UBXN10: variants seen among roughly 807,000 people sequenced by gnomAD.
The protein encoded by UBXN10 is UBX domain-containing protein 10.
UBXN10 carries 6 observed loss-of-function variants against 6.9 expected under a neutral mutation model. That is an observed-to-expected ratio of 0.87 (90% CI 0.48 to 1.72). UBXN10 has a LOEUF of 1.72. Among genes scored for constraint, UBXN10 ranks in the 40% most tolerant of loss-of-function variants. UBXN10 has a pLI of 0.01. For synonymous variants in UBXN10, 131 were observed against 135.2 expected (o/e 0.97, Z 0.21); for missense variants, 317 against 348.4 (o/e 0.91, Z 0.72).
Position 20,191,264 on chromosome 1 carries a change from T to A in UBXN10, c.703T>A (p.Ser235Thr), listed in dbSNP as rs759727651. The A allele has an allele frequency of 2.5e-6, 4 of 1,614,062 alleles. No homozygotes were observed. The highest frequency in any genetic ancestry group is 4.5e-5 in the East Asian group (2 of 44,870). Residue 235 changes from serine to threonine, a missense_variant, in exon 2 of 2, where the codon TCC becomes ACC. Ser to Thr is a moderately conservative substitution (Grantham distance 58). Transcript: ENST00000375099. This position sits in a 1 kb window ranked among gnomAD's most constrained non-coding sequence, Gnocchi z 4.5. ...TGTGGCCGAACAGAAAAACAAAACC[T>A]CCTACCGACACTGCAGCATTGAAAC... is the stretch of plus-strand genomic sequence containing the variant. ...VAVAEQKNKT[S>T]YRHCSIETME...
chr1:20,185,501 G>A (rs2018355670), upstream of UBXN10, among the ~76,000 whole-genome samples: 1 of 152,232 alleles, frequency 6.6e-6, no homozygotes, highest in Non-Finnish European at 1.5e-5. Flanking sequence ...GTGGCTGGAA[G>A]TGGAAGAGAT....
Position 20,191,816 on chromosome 1 carries a change from A to C in UBXN10, c.*412A>C, listed in dbSNP as rs569118745. On this transcript the variant is annotated 3_prime_UTR_variant, in exon 2 of 2. Coordinates refer to ENST00000375099, the MANE Select transcript of UBXN10 (RefSeq NM_152376.5). This position sits in a 1 kb window ranked among gnomAD's most constrained non-coding sequence, Gnocchi z 4.5. ...TGATGCAGGATTAAACACTTCCCAG[A>C]GAGGATTCTAGTCTGGTAAATAACC... The C allele has an allele frequency of 5.3e-5, 10 of 189,656 alleles. No individual in the cohort carries two copies. In the East Asian group the frequency reaches 1.5e-3, roughly 28 times the overall value. 11.7% of individuals were successfully genotyped at this position (189,656 alleles called of 1,614,324 possible). A position where few individuals can be genotyped will look rare whatever the true frequency, so the allele number is the denominator to read the frequency against.
In UBXN10 at chr1:20,187,409, C is replaced by T. The variant is rs2018418493; in HGVS notation, c.-16+1256C>T. ...GCAGGGAGAATCATGGCTGCTGCCT[C>T]AATCCTGGACTGAGGGTGGTGGGCA... On this transcript the variant is annotated intron_variant, in intron 1 of 1. Coordinates refer to ENST00000375099, the MANE Select transcript of UBXN10 (RefSeq NM_152376.5). This position sits in a 1 kb window ranked among gnomAD's most constrained non-coding sequence, Gnocchi z 4.6. Among the ~76,000 whole-genome samples the T allele has an allele frequency of 6.6e-6, 1 of 151,850 alleles. No individual in the cohort carries two copies. Among genetic ancestry groups the T allele is most frequent in the South Asian group, 2.1e-4 (1 of 4,808 alleles).
chr1:20,192,937 C>T lies in UBXN10; in HGVS notation c.*1533C>T, dbSNP rs148069798. 6.0e-6 allele frequency: 1 copy of T among 167,252 alleles called. No individual in the cohort carries two copies. Among genetic ancestry groups the T allele is most frequent in the African/African-American group, 2.4e-5 (1 of 41,582 alleles). The allele number at this position is 167,252 out of a possible 1,614,324, so 10.4% of individuals were successfully genotyped here. On this transcript the variant is annotated 3_prime_UTR_variant, in exon 2 of 2. Coordinates refer to ENST00000375099, the MANE Select transcript of UBXN10 (RefSeq NM_152376.5). The stretch of plus-strand genomic sequence containing the variant: ...TAACTGCATCCCACACTGCCCAGAT[C>T]ATTCTAGAATAGGTTATTTCTGAAT...
In UBXN10 at chr1:20,187,020, A is replaced by T. The variant is rs552490408; in HGVS notation, c.-16+867A>T. ...TGTAGGTGGTTATATTTTACTGCATATACTGTAGGCTTAGATTTGGGTTGT... is the reference window on the plus strand; with the variant it reads ...TGTAGGTGGTTATATTTTACTGCATTTACTGTAGGCTTAGATTTGGGTTGT... On this transcript the variant is annotated intron_variant, in intron 1 of 1. Coordinates refer to ENST00000375099, the MANE Select transcript of UBXN10 (RefSeq NM_152376.5). The surrounding 1 kb of genome is among the most constrained non-coding windows in gnomAD (Gnocchi z 4.6). 6.6e-6 allele frequency among the ~76,000 whole-genome samples: 1 copy of T among 152,336 alleles called. No homozygotes were observed. Among genetic ancestry groups the T allele is most frequent in the African/African-American group, 2.4e-5 (1 of 41,588 alleles).
In UBXN10 at chr1:20,193,244, C is replaced by G. The variant is rs1233494734; in HGVS notation, c.*1840C>G. On this transcript the variant is annotated 3_prime_UTR_variant, in exon 2 of 2. Coordinates refer to ENST00000375099, the MANE Select transcript of UBXN10 (RefSeq NM_152376.5). ...GTGGTAAGAATAAAATCCCACCCAC[C>G]TGGGACTTGGTAATTTCTCCAGACA... The G allele has an allele frequency of 3.0e-5, 5 of 167,072 alleles. 1 individual carries two copies. The allele number at this position is 167,072 out of a possible 1,614,324, so 10.3% of individuals were successfully genotyped here.
At chr1:20,190,359 G>A (rs2018469471) in intron 1 of UBXN10, among the ~76,000 whole-genome samples, 188 bp from the exon 2 acceptor site, 1 of 152,112 alleles carries the variant, frequency 6.6e-6, no homozygotes, top group Non-Finnish European at 1.5e-5. Flanking sequence ...AAGGACTTCG[G>A]TTTGCTGATC....
upstream of UBXN10, chr1:20,186,063 C>T (rs574983259): frequency 6.9e-6 from 1 of 145,118 alleles, no homozygotes; most frequent in South Asian, 2.5e-4. Flanking sequence ...AGCACGTGGC[C>T]CCCCACCCTG....
intron 1 of UBXN10, among the ~76,000 whole-genome samples, chr1:20,190,312 A>T (rs2018468579): frequency 6.6e-6 from 1 of 152,126 alleles, no homozygotes. Context: ...TGTGGGTTTT[A>T]ACCCCTGTCT....
chr1:20,191,336 C>T lies in UBXN10; in HGVS notation c.775C>T (p.Gln259Ter). The change falls in exon 2 of 2, where the codon CAA becomes TAA. Residue 259 changes from glutamine to a stop codon, truncating the protein, a stop_gained. Transcript: ENST00000375099. LOFTEE classifies it high-confidence loss of function. This position sits in a 1 kb window ranked among gnomAD's most constrained non-coding sequence, Gnocchi z 4.5. ...RRFSDLTKSLQECRIPHKSVL... is the reference protein window; with the variant it reads ...RRFSDLTKSL ...ATTTTCTGACCTCACCAAATCTCTG[C>T]AAGAGTGCAGAATCCCCCACAAGTC... 1 of 1,614,224 alleles carries T rather than the reference C, an allele frequency of 6.2e-7. No individual in the cohort carries two copies. The highest frequency in any genetic ancestry group is 8.5e-7 in the Non-Finnish European group (1 of 1,180,042).
chr1:20,184,422 A>T (rs2018331013), upstream of UBXN10: 1 of 152,286 alleles, frequency 6.6e-6, no homozygotes. Flanking sequence ...CAGCTCCTAA[A>T]ACCACCATCT....
rs1018308074 is a variant in UBXN10, at chr1:20,194,822, A to G, written c.*3418A>G. On this transcript the variant is annotated 3_prime_UTR_variant, in exon 2 of 2. Transcript: ENST00000375099. ...TTTAAACGGAATAAAGAAGACAGCT[A>G]TATTATTTTGCTTTAGCATTAGTTT... 1 of 167,132 alleles carries G rather than the reference A, an allele frequency of 6.0e-6. No individual in the cohort carries two copies. The highest frequency in any genetic ancestry group is 2.4e-5 in the African/African-American group (1 of 41,472). 10.4% of individuals were successfully genotyped at this position (167,132 alleles called of 1,614,324 possible). A position where few individuals can be genotyped will look rare whatever the true frequency, so the allele number is the denominator to read the frequency against.
chr1:20,185,707 A>T (rs1384489148), upstream of UBXN10, among the ~76,000 whole-genome samples: 1 of 152,204 alleles, frequency 6.6e-6, no homozygotes, highest in Non-Finnish European at 1.5e-5. Flanking sequence ...AGAATCCATC[A>T]GTCCCACAGC....
At position 20,190,870 on chromosome 1, in the gene UBXN10, A is replaced by T. The variant is rs2018484257; in HGVS notation, c.309A>T (p.Val103=). The T allele has an allele frequency of 6.2e-7, 1 of 1,613,932 alleles. No homozygotes were observed. Among genetic ancestry groups the T allele is most frequent in the Non-Finnish European group, 8.5e-7 (1 of 1,180,032 alleles). Residue 103 remains valine, a synonymous_variant, in exon 2 of 2, where the codon GTA becomes GTT. Transcript: ENST00000375099. ...SDEIPELQQQ[V]PTGASSSLNK... ...AGATCCCTGAGCTGCAGCAGCAAGT[A>T]CCCACTGGGGCTTCCTCTTCTCTCA...
Position 20,192,334 on chromosome 1 carries a change from G to C in UBXN10, c.*930G>C, listed in dbSNP as rs2018519836. On this transcript the variant is annotated 3_prime_UTR_variant, in exon 2 of 2. Coordinates refer to ENST00000375099, the MANE Select transcript of UBXN10 (RefSeq NM_152376.5). The stretch of plus-strand genomic sequence containing the variant: ...CAGTGCGTTGCCCACTTCAAACATG[G>C]TGTGTCCTTTGGAGCTGTGACAGAG... 1.1e-4 allele frequency: 18 copies of C among 167,124 alleles called. No homozygotes were observed. The allele number at this position is 167,124 out of a possible 1,614,324, so 10.4% of individuals were successfully genotyped here.
upstream of UBXN10, among the ~76,000 whole-genome samples, chr1:20,183,591 A>C (rs2018311381): frequency 6.6e-6 from 1 of 152,246 alleles, no homozygotes. Context: ...GGTGCACAGC[A>C]CCATCTTGGG....
chr1:20,189,460 C>G (rs1557793159), intron 1 of UBXN10, among the ~76,000 whole-genome samples: 1 of 152,108 alleles, frequency 6.6e-6, no homozygotes, highest in African/African-American at 2.4e-5. Context: ...TTTAGCAATT[C>G]CGGGTCTGCA....
Position 20,191,352 on chromosome 1 carries a change from CCCA to C in UBXN10, c.793_795del (p.His265del), listed in dbSNP as rs769391363. ...AAATCTCTGCAAGAGTGCAGAATCC[CCCA>C]CAAGTCTGTGCTGGGCATCTCACTG... On this transcript the variant is annotated inframe_deletion, in exon 2 of 2. Coordinates refer to ENST00000375099, the MANE Select transcript of UBXN10 (RefSeq NM_152376.5). The surrounding 1 kb of genome is among the most constrained non-coding windows in gnomAD (Gnocchi z 4.5). 4 of 1,614,018 alleles carry C rather than the reference CCCA, an allele frequency of 2.5e-6. No individual in the cohort carries two copies. The African/African-American group carries it at 5.3e-5, about 22-fold the overall frequency.
At position 20,187,105 on chromosome 1, in the gene UBXN10, C is replaced by T. The variant is rs2018412676; in HGVS notation, c.-16+952C>T. Among the ~76,000 whole-genome samples the T allele has an allele frequency of 6.6e-6, 1 of 151,836 alleles. No individual in the cohort carries two copies. Among genetic ancestry groups the T allele is most frequent in the Non-Finnish European group, 1.5e-5 (1 of 67,946 alleles). On this transcript the variant is annotated intron_variant, in intron 1 of 1. Transcript: ENST00000375099. This position sits in a 1 kb window ranked among gnomAD's most constrained non-coding sequence, Gnocchi z 4.6. ...GGTGGGCACCCTTAGAAAGCAGGAG[C>T]CCTGCTTTAGCTTCTCCTATCCACA...
Sources: allele counts gnomAD v4.1 joint callset (sites outside exome capture counted in the v4.1 genomes callset), GRCh38; gene constraint gnomAD v4.1.1; non-coding constraint Gnocchi (gnomAD v3.1); transcripts MANE v1.5; gene names NCBI Gene and HGNC (gene_info 2026-07-23, HGNC 2026-07-21).